FBXL7: variants seen among roughly 807,000 people sequenced by gnomAD.
The protein encoded by FBXL7 is F-box and leucine rich repeat protein 7.
In FBXL7, 12 loss-of-function variants were observed where a neutral mutation model predicts 38.3. That is an observed-to-expected ratio of 0.31 (90% confidence interval 0.20 to 0.51). The LOEUF (loss-of-function observed/expected upper bound fraction) is 0.51, where lower values mean the gene tolerates loss of function less well. FBXL7 is among the 20% of genes least tolerant of loss of function. The probability of loss-of-function intolerance (pLI) is 0.98; values close to 1 mark genes in which losing one functional copy is unlikely to be tolerated. For missense variants in FBXL7, 567 were observed against 676.4 expected (o/e 0.84, Z 1.79); for synonymous variants, 297 against 300.9 (o/e 0.99, Z 0.13).
intron 2 of FBXL7, among the ~76,000 whole-genome samples, chr5:15,763,119 C>T (rs182007090): frequency 1.3e-5 from 2 of 152,274 alleles, no homozygotes; most frequent in African/African-American, 4.8e-5. Flanking sequence ...TTCTTGTGGA[C>T]TTAAAATGGA....
intron 1 of FBXL7, among the ~76,000 whole-genome samples, chr5:15,538,513 G>T (rs1737649694): frequency 1.3e-5 from 2 of 152,154 alleles, no homozygotes; most frequent in South Asian, 4.2e-4. Context: ...GGTAGGACTG[G>T]AGGAGGTAGA....
At chr5:15,740,512 G>T (rs973564489) in intron 2 of FBXL7, among the ~76,000 whole-genome samples, 3 of 152,070 alleles carry the variant, frequency 2.0e-5, no homozygotes, top group Non-Finnish European at 4.4e-5. Context: ...CATTTGAAGT[G>T]TTTTCCTCTT....
intron 2 of FBXL7, among the ~76,000 whole-genome samples, chr5:15,842,925 T>C (rs566342012): frequency 6.6e-6 from 1 of 152,330 alleles, no homozygotes; most frequent in African/African-American, 2.4e-5. Context: ...AACAGAATAA[T>C]ACAAAGCTGT....
intron 2 of FBXL7, among the ~76,000 whole-genome samples, chr5:15,753,097 T>A (rs1736196800): frequency 2.0e-5 from 3 of 152,124 alleles, no homozygotes; most frequent in Admixed American, 6.5e-5. Context: ...TAACTCCTCT[T>A]GCAGGGAGGG....
intron 2 of FBXL7, 103 bp downstream of exon 2, chr5:15,616,175 G>T: frequency 1.5e-6 from 1 of 661,876 alleles, no homozygotes; most frequent in South Asian, 2.4e-5. Context: ...TCCTGAGTGG[G>T]AGCATATGAG....
intron 2 of FBXL7, among the ~76,000 whole-genome samples, chr5:15,750,910 A>G (rs1298536801): frequency 6.6e-6 from 1 of 152,206 alleles, no homozygotes; most frequent in Non-Finnish European, 1.5e-5. Flanking sequence ...TGGGACTGAC[A>G]CTTGGTCTAC....
intron 2 of FBXL7, among the ~76,000 whole-genome samples, chr5:15,774,816 G>T (rs1736818902): frequency 6.6e-6 from 1 of 152,110 alleles, no homozygotes; most frequent in Non-Finnish European, 1.5e-5. Flanking sequence ...TGCATCTTTG[G>T]TTGTTGTCCG....
chr5:15,755,395 TGTGTGTGTGC>T (rs1263476450), intron 2 of FBXL7, among the ~76,000 whole-genome samples: 1 of 152,114 alleles, frequency 6.6e-6, no homozygotes, highest in Non-Finnish European at 1.5e-5. Context: ...AGCTTTGCTC[TGTGTGTGTGC>T]GTGTGTGTAT....
chr5:15,595,693 G>C (rs1344545215), intron 1 of FBXL7, among the ~76,000 whole-genome samples: 7 of 152,170 alleles, frequency 4.6e-5, no homozygotes, highest in Non-Finnish European at 8.8e-5. Context: ...GAGGCAGAGA[G>C]TTAAGCATCT....
intron 2 of FBXL7, among the ~76,000 whole-genome samples, chr5:15,783,960 T>A (rs2126723965): frequency 6.6e-6 from 1 of 152,274 alleles, no homozygotes; most frequent in South Asian, 2.1e-4. Context: ...GCATGATGAA[T>A]GACTTCTGAG....
intron 2 of FBXL7, among the ~76,000 whole-genome samples, chr5:15,617,693 C>T (rs186414281): frequency 1.1e-4 from 17 of 152,272 alleles, no homozygotes; most frequent in Admixed American, 4.6e-4. Context: ...CCTGCCTCAG[C>T]CTCCCAAAGT....
At chr5:15,593,167 C>T (rs560889740) in intron 1 of FBXL7, among the ~76,000 whole-genome samples, 21 of 152,280 alleles carry the variant, frequency 1.4e-4, no homozygotes, top group Non-Finnish European at 2.6e-4. Context: ...TTGTTCCCTG[C>T]GTGCCCCTTC....
chr5:15,583,651 C>G (rs1739216071), intron 1 of FBXL7, among the ~76,000 whole-genome samples: 1 of 152,188 alleles, frequency 6.6e-6, no homozygotes, highest in South Asian at 2.1e-4. Context: ...CTAGGGCATG[C>G]TTATGCAAGG....
chr5:15,590,596 G>A (rs1046360958), intron 1 of FBXL7, among the ~76,000 whole-genome samples: 37 of 151,778 alleles, frequency 2.4e-4, no homozygotes, highest in Non-Finnish European at 4.7e-4. Context: ...TTGCTTCTGG[G>A]CCTCTCATTC....
intron 1 of FBXL7, among the ~76,000 whole-genome samples, chr5:15,552,195 T>C (rs774476670): frequency 6.6e-6 from 1 of 152,248 alleles, no homozygotes; most frequent in Non-Finnish European, 1.5e-5. Flanking sequence ...TTTAATTTCA[T>C]CATTTATCAT....
intron 1 of FBXL7, among the ~76,000 whole-genome samples, chr5:15,606,320 A>G (rs571646626): frequency 1.3e-5 from 2 of 152,286 alleles, no homozygotes; most frequent in South Asian, 4.1e-4. Context: ...ATGTACATGT[A>G]TGCGTGTATG....
chr5:15,642,912 G>A (rs892446201), intron 2 of FBXL7, among the ~76,000 whole-genome samples: 9 of 152,148 alleles, frequency 5.9e-5, no homozygotes, highest in African/African-American at 2.2e-4. Context: ...TAAATTAAGT[G>A]CAAAACTCTA....
intron 1 of FBXL7, among the ~76,000 whole-genome samples, chr5:15,603,574 G>A (rs1739878954): frequency 6.6e-6 from 1 of 152,188 alleles, no homozygotes; most frequent in Admixed American, 6.5e-5. Context: ...TAGGCAATGA[G>A]GTCATGGCTT....
At chr5:15,801,833 G>A (rs1007772367) in intron 2 of FBXL7, among the ~76,000 whole-genome samples, 9 of 147,424 alleles carry the variant, frequency 6.1e-5, no homozygotes, top group African/African-American at 2.1e-4. Context: ...TCCATATTTC[G>A]GGGGGGGCGG....
Sources: allele counts gnomAD v4.1 joint callset (sites outside exome capture counted in the v4.1 genomes callset), GRCh38; gene constraint gnomAD v4.1.1; transcripts MANE v1.5; gene names NCBI Gene and HGNC (gene_info 2026-07-23, HGNC 2026-07-21).